The following MIAT variants were observed in gnomAD, a reference collection of about 807,000 sequenced individuals.
MIAT encodes myocardial infarction associated transcript.
At chr22:26,671,524 C>A (rs1652805348), downstream of MIAT, 2 of 398,360 alleles carry the variant, frequency 5.0e-6, no homozygotes, top group Non-Finnish European at 8.8e-6. Context: ...CTACTAACCA[C>A]CCCCCCGCAG....
At chr22:26,661,927 T>TGG (rs1201529612) in intron 2 of MIAT, among the ~76,000 whole-genome samples, 346 of 21,504 alleles carry the variant, frequency 0.016, 5 homozygotes, top group East Asian at 0.076. Flanking sequence ...CATATATATA[T>TGG]ATATATATAT....
chr22:26,669,772 G>C (rs79614591), downstream of MIAT: 6,307 of 398,944 alleles, frequency 0.016, 292 homozygotes, highest in African/African-American at 0.11. Context: ...TACCATGCTG[G>C]GGTGGCTCAG....
chr22:26,661,960 A>ATC, intron 2 of MIAT, among the ~76,000 whole-genome samples: 2 of 56,310 alleles, frequency 3.6e-5, no homozygotes, highest in African/African-American at 1.3e-4. Context: ...ATATATATAT[A>ATC]TACACACACA....
At chr22:26,674,204 C>T, downstream of MIAT, 1 of 398,634 alleles carries the variant, frequency 2.5e-6, no homozygotes, top group Non-Finnish European at 4.4e-6. Flanking sequence ...GCTTCCTGTT[C>T]TAACTTTTAG....
chr22:26,647,863 C>T (rs377504099), intron 2 of MIAT, among the ~76,000 whole-genome samples: 5 of 151,250 alleles, frequency 3.3e-5, no homozygotes, highest in East Asian at 1.9e-4. Context: ...TCCAGAGCAT[C>T]GATGGGGCTT....
intron 2 of MIAT, among the ~76,000 whole-genome samples, chr22:26,655,299 C>T (rs1316279949): frequency 6.6e-6 from 1 of 152,106 alleles, no homozygotes. Flanking sequence ...AGGGCTGGTC[C>T]CAGCAACAGA....
At chr22:26,669,968 G>C, downstream of MIAT, 1 of 398,662 alleles carries the variant, frequency 2.5e-6, no homozygotes, top group Non-Finnish European at 4.4e-6. Flanking sequence ...AATTCAGTGA[G>C]ATTGTGTGCC....
intron 2 of MIAT, chr22:26,650,326 T>G (rs1930315262): frequency 6.6e-6 from 1 of 152,240 alleles, no homozygotes; most frequent in Non-Finnish European, 1.5e-5. Context: ...TACCTTGGTC[T>G]TGGACTTCCA....
At chr22:26,666,320 C>A in exon 4 of MIAT, 1 of 398,666 alleles carries the variant, frequency 2.5e-6, no homozygotes. Flanking sequence ...CTAGTCCAGC[C>A]TCTGGCTCCC....
intron 2 of MIAT, among the ~76,000 whole-genome samples, chr22:26,651,449 G>A (rs1341705639): frequency 6.6e-6 from 1 of 152,188 alleles, no homozygotes; most frequent in East Asian, 1.9e-4. Flanking sequence ...ATGGGAGGGT[G>A]TATGTGAGGA....
chr22:26,653,175 G>A (rs1930368049), intron 2 of MIAT, among the ~76,000 whole-genome samples: 2 of 152,338 alleles, frequency 1.3e-5, no homozygotes, highest in East Asian at 1.9e-4. Flanking sequence ...TGAGGGCAAA[G>A]GACCAGCTGA....
chr22:26,667,794 T>A (rs964735555), intron 5 of MIAT: 1 of 174,664 alleles, frequency 5.7e-6, no homozygotes, highest in Non-Finnish European at 1.2e-5. Flanking sequence ...TCCTCCCACC[T>A]CAGCCTCCTG....
intron 2 of MIAT, among the ~76,000 whole-genome samples, chr22:26,661,963 C>T (rs9608516): frequency 0.067 from 2,412 of 36,144 alleles, 44 homozygotes; most frequent in African/African-American, 0.081. Context: ...TATATATATA[C>T]ACACACACAC....
downstream of MIAT, chr22:26,672,256 G>C: frequency 2.5e-6 from 1 of 399,060 alleles, no homozygotes; most frequent in Non-Finnish European, 4.4e-6. Flanking sequence ...GGCTCCCCCC[G>C]GGGGCTGGTC....
chr22:26,651,809 T>C (rs1468092775), intron 2 of MIAT, among the ~76,000 whole-genome samples: 2 of 152,056 alleles, frequency 1.3e-5, no homozygotes, highest in African/African-American at 2.4e-5. Context: ...CATATGACAA[T>C]GGGCTGGAGG....
At chr22:26,654,378 T>C (rs1930387924) in intron 2 of MIAT, among the ~76,000 whole-genome samples, 1 of 152,178 alleles carries the variant, frequency 6.6e-6, no homozygotes, top group Non-Finnish European at 1.5e-5. Context: ...CAAGTAGATA[T>C]TGGAAATGAT....
At chr22:26,663,393 A>G (rs776457850) in exon 3 of MIAT, 18 of 398,542 alleles carry the variant, frequency 4.5e-5, no homozygotes, top group Non-Finnish European at 6.2e-5. Flanking sequence ...CACAGGGGTA[A>G]CCAAGGTGAT....
At chr22:26,657,541 A>T (rs2146002389) in intron 2 of MIAT, 1 of 398,708 alleles carries the variant, frequency 2.5e-6, no homozygotes, top group Non-Finnish European at 4.4e-6. Context: ...GCTGCGGACG[A>T]GTGCGGGGAG....
intron 2 of MIAT, chr22:26,657,567 G>A (rs1188496331): frequency 2.5e-6 from 1 of 398,662 alleles, no homozygotes; most frequent in African/African-American, 2.1e-5. Context: ...TGAGATGGGA[G>A]GCGCTTGCAG....
Sources: gnomAD v4.1 joint callset for allele counts (sites outside exome capture counted in the v4.1 genomes callset) on GRCh38, gnomAD v4.1.1 for gene constraint, MANE v1.5 for transcripts, NCBI Gene and HGNC (gene_info 2026-07-23, HGNC 2026-07-21) for gene names.